The following MACROD2 variants were observed in gnomAD, a reference collection of about 807,000 sequenced individuals.
The protein encoded by MACROD2 is mono-ADP ribosylhydrolase 2.
MACROD2 carries 36 observed loss-of-function variants against 70.4 expected under a neutral mutation model. That is an observed-to-expected ratio of 0.51 (90% CI 0.39 to 0.68). The LOEUF (loss-of-function observed/expected upper bound fraction) is 0.68, where lower values mean the gene tolerates loss of function less well. Ranked by LOEUF, MACROD2 falls within the 30% of genes least tolerant of loss-of-function variation. The pLI, the probability that MACROD2 is intolerant of heterozygous loss-of-function variation, is 0.00. For synonymous variants in MACROD2, 172 were observed against 178.8 expected (o/e 0.96, Z 0.30); for missense variants, 496 against 538.4 (o/e 0.92, Z 0.78).
At chr20:14,943,192 T>G (rs977636330) in intron 5 of MACROD2, among the ~76,000 whole-genome samples, 5 of 152,218 alleles carry the variant, frequency 3.3e-5, no homozygotes, top group African/African-American at 1.2e-4. Context: ...TTGTTGAATT[T>G]TGACCAGATA....
Position 15,349,881 on chromosome 20 carries a change from G to C in MACROD2, c.541-81524G>C, listed in dbSNP as rs150236241. Among the ~76,000 whole-genome samples, 934 of 152,124 alleles carry C rather than the reference G, an allele frequency of 6.1e-3. 33 individuals are homozygous for C. The highest frequency in any genetic ancestry group is 0.057 in the Admixed American group (865 of 15,260). On this transcript the variant is annotated intron_variant, in intron 6 of 17. Coordinates refer to ENST00000684519, the MANE Select transcript of MACROD2 (RefSeq NM_001351661.2). ...TTTCTTCCCCTGGAGGTTTCTTTTG[G>C]GGGGACCTCATCTTGGCTGGAGCGA...
chr20:15,241,329 C>T (rs1215384072), intron 6 of MACROD2, among the ~76,000 whole-genome samples: 1 of 152,110 alleles, frequency 6.6e-6, no homozygotes, highest in African/African-American at 2.4e-5. Context: ...CTACTGATAG[C>T]AGTTTTCATT....
At chr20:14,764,926 C>G (rs73897208) in intron 5 of MACROD2, among the ~76,000 whole-genome samples, 3 of 151,894 alleles carry the variant, frequency 2.0e-5, no homozygotes, top group Non-Finnish European at 4.4e-5. Flanking sequence ...ATTTCTCCAC[C>G]CTGTCCAGCT....
chr20:14,840,533 A>G (rs1404869383), intron 5 of MACROD2, among the ~76,000 whole-genome samples: 1 of 152,078 alleles, frequency 6.6e-6, no homozygotes, highest in South Asian at 2.1e-4. Context: ...CCCCATGCCC[A>G]GTCTCCTGGT....
At chr20:15,056,669 G>A (rs529088891) in intron 5 of MACROD2, among the ~76,000 whole-genome samples, 60 of 152,218 alleles carry the variant, frequency 3.9e-4, no homozygotes, top group South Asian at 2.5e-3. Context: ...AAGGGATAAT[G>A]TAAGGAAGAC....
At chr20:15,302,521 C>T (rs2077657145) in intron 6 of MACROD2, among the ~76,000 whole-genome samples, 1 of 151,200 alleles carries the variant, frequency 6.6e-6, no homozygotes. Flanking sequence ...AGAACTCACT[C>T]ATTCTTAAAT....
intron 3 of MACROD2, among the ~76,000 whole-genome samples, chr20:14,295,584 G>C (rs927617397): frequency 4.0e-5 from 6 of 151,608 alleles, no homozygotes; most frequent in Non-Finnish European, 8.8e-5. Context: ...TGGGGGGAGT[G>C]GTAATACCTG....
chr20:15,586,207 T>C (rs1483751293), intron 8 of MACROD2, among the ~76,000 whole-genome samples: 1 of 152,226 alleles, frequency 6.6e-6, no homozygotes, highest in African/African-American at 2.4e-5. Context: ...GAGGACCTTG[T>C]TAAGGCCACA....
chr20:14,093,818 C>T (rs2054186101), intron 3 of MACROD2, among the ~76,000 whole-genome samples: 2 of 152,194 alleles, frequency 1.3e-5, no homozygotes, highest in South Asian at 4.1e-4. Context: ...ATTAGAGCCA[C>T]GTCCAAGGTG....
chr20:15,484,961 G>C (rs2047145553), intron 7 of MACROD2, among the ~76,000 whole-genome samples: 1 of 152,144 alleles, frequency 6.6e-6, no homozygotes, highest in African/African-American at 2.4e-5. Flanking sequence ...AGTTTGCTCT[G>C]TGACCTCACT....
At chr20:15,046,925 C>G (rs1163048880) in intron 5 of MACROD2, among the ~76,000 whole-genome samples, 2 of 152,194 alleles carry the variant, frequency 1.3e-5, no homozygotes, top group Non-Finnish European at 2.9e-5. Flanking sequence ...ATTTTGTCAA[C>G]TATACTTCAA....
chr20:14,503,735 G>C (rs377613978), intron 4 of MACROD2, among the ~76,000 whole-genome samples: 6 of 152,202 alleles, frequency 3.9e-5, no homozygotes, highest in Non-Finnish European at 8.8e-5. Context: ...CACTAACTCT[G>C]CAACTTCCTA....
At chr20:15,643,418 TA>T (rs1170888378) in intron 8 of MACROD2, among the ~76,000 whole-genome samples, 1 of 152,254 alleles carries the variant, frequency 6.6e-6, no homozygotes, top group Non-Finnish European at 1.5e-5. Flanking sequence ...CTTTGACCAC[TA>T]TAATGTCCTC....
intron 7 of MACROD2, among the ~76,000 whole-genome samples, chr20:15,488,872 G>C (rs898774837): frequency 2.0e-5 from 3 of 152,166 alleles, no homozygotes; most frequent in Non-Finnish European, 4.4e-5. Context: ...GACTTATCCA[G>C]GGGTAGCAGG....
intron 3 of MACROD2, among the ~76,000 whole-genome samples, chr20:14,486,200 G>A (rs906066009): frequency 2.0e-5 from 3 of 152,190 alleles, no homozygotes; most frequent in Non-Finnish European, 4.4e-5. Flanking sequence ...AGGAGAGGGG[G>A]AGGATGTCAG....
intron 8 of MACROD2, among the ~76,000 whole-genome samples, chr20:15,744,444 C>A (rs1317566003): frequency 6.6e-6 from 1 of 152,110 alleles, no homozygotes; most frequent in Non-Finnish European, 1.5e-5. Context: ...AAGCTTACTG[C>A]ATAAGTAAAG....
intron 8 of MACROD2, among the ~76,000 whole-genome samples, chr20:15,533,954 T>C (rs2047839496): frequency 6.6e-6 from 1 of 152,166 alleles, no homozygotes; most frequent in African/African-American, 2.4e-5. Flanking sequence ...AGGGGCTAAA[T>C]GCTTCCCATG....
chr20:15,139,902 G>A (rs1165400826), intron 5 of MACROD2, among the ~76,000 whole-genome samples: 1 of 152,160 alleles, frequency 6.6e-6, no homozygotes, highest in Non-Finnish European at 1.5e-5. Context: ...GGTGACCAGG[G>A]AATACCTCCA....
intron 4 of MACROD2, among the ~76,000 whole-genome samples, chr20:14,590,116 T>G (rs965496985): frequency 6.6e-6 from 1 of 152,198 alleles, no homozygotes; most frequent in African/African-American, 2.4e-5. Context: ...TGGTAACTCT[T>G]GAGCTATTTT....
Sources: gnomAD v4.1 joint callset for allele counts (sites outside exome capture counted in the v4.1 genomes callset) on GRCh38, gnomAD v4.1.1 for gene constraint, MANE v1.5 for transcripts, NCBI Gene and HGNC (gene_info 2026-07-23, HGNC 2026-07-21) for gene names.